Variants in SYT1 observed in about 807,000 individuals in gnomAD.
SYT1 encodes synaptotagmin-1.
SYT1 carries 8 observed loss-of-function variants against 44.8 expected under a neutral mutation model. The observed-to-expected ratio is 0.18, with a 90% CI of 0.10 to 0.32. The LOEUF (loss-of-function observed/expected upper bound fraction) is 0.32, where lower values mean the gene tolerates loss of function less well. Among genes scored for constraint, SYT1 ranks in the 10% least tolerant of loss-of-function variants. The pLI is 1.00. For missense variants in SYT1, 286 were observed against 509.3 expected (o/e 0.56, Z 4.22); for synonymous variants, 154 against 188.8 (o/e 0.82, Z 1.51).
chr12:79,276,856 A>G (rs1347723871), intron 4 of SYT1, among the ~76,000 whole-genome samples: 1 of 151,984 alleles, frequency 6.6e-6, no homozygotes, highest in South Asian at 2.1e-4. Context: ...AAAGAAATAA[A>G]GTCTCCAAGA....
At chr12:79,008,767 C>T (rs1054390072) in intron 2 of SYT1, among the ~76,000 whole-genome samples, 1 of 152,086 alleles carries the variant, frequency 6.6e-6, no homozygotes, top group South Asian at 2.1e-4. Flanking sequence ...CTTATTCCTG[C>T]TTTTTGCTAG....
intron 3 of SYT1, among the ~76,000 whole-genome samples, chr12:79,065,081 A>C (rs1875737264): frequency 6.6e-6 from 1 of 152,112 alleles, no homozygotes; most frequent in Non-Finnish European, 1.5e-5. Flanking sequence ...TCCAATTAGA[A>C]ACTTAAGGGA....
chr12:78,931,313 G>A (rs1462653573), intron 1 of SYT1, among the ~76,000 whole-genome samples: 7 of 19,294 alleles, frequency 3.6e-4, no homozygotes, highest in Admixed American at 4.3e-4. Context: ...GAAGGAGAGG[G>A]AGGGAGGGAG....
intron 3 of SYT1, among the ~76,000 whole-genome samples, chr12:79,054,114 T>C (rs1592705837): frequency 6.6e-6 from 1 of 152,046 alleles, no homozygotes; most frequent in East Asian, 1.9e-4. Flanking sequence ...AAATGTGGAT[T>C]GAAAGGTTTA....
At chr12:78,994,295 A>C (rs1358004685) in intron 2 of SYT1, among the ~76,000 whole-genome samples, 3 of 152,180 alleles carry the variant, frequency 2.0e-5, no homozygotes, top group Non-Finnish European at 4.4e-5. Flanking sequence ...ACGATAAATA[A>C]AACATTAGTT....
intron 3 of SYT1, among the ~76,000 whole-genome samples, chr12:79,054,542 T>G (rs985072149): frequency 6.6e-6 from 1 of 152,018 alleles, no homozygotes; most frequent in African/African-American, 2.4e-5. Flanking sequence ...ACTTAGATTT[T>G]TATACATGCT....
chr12:79,159,790 A>G (rs192972857), intron 3 of SYT1, among the ~76,000 whole-genome samples: 1 of 152,106 alleles, frequency 6.6e-6, no homozygotes, highest in African/African-American at 2.4e-5. Flanking sequence ...ATTTTAAGAA[A>G]TCCTAAGAAA....
chr12:78,921,248 G>A (rs981466813), intron 1 of SYT1, among the ~76,000 whole-genome samples: 2 of 151,674 alleles, frequency 1.3e-5, no homozygotes, highest in Non-Finnish European at 1.5e-5. Context: ...CAAATACAAC[G>A]GATTTTAAAT....
At chr12:79,245,685 G>A (rs1294152758) in intron 4 of SYT1, among the ~76,000 whole-genome samples, 1 of 151,984 alleles carries the variant, frequency 6.6e-6, no homozygotes, top group Non-Finnish European at 1.5e-5. Flanking sequence ...CAACTCAGGG[G>A]AAATCCCTTA....
At chr12:79,373,108 T>G (rs568050193) in intron 9 of SYT1, among the ~76,000 whole-genome samples, 2 of 152,264 alleles carry the variant, frequency 1.3e-5, no homozygotes, top group South Asian at 4.1e-4. Flanking sequence ...CAAAATTATA[T>G]CTCTTTTCAT....
chr12:78,949,549 G>A (rs1878853306), intron 1 of SYT1, among the ~76,000 whole-genome samples: 1 of 151,146 alleles, frequency 6.6e-6, no homozygotes, highest in Non-Finnish European at 1.5e-5. Flanking sequence ...AATTCACTTT[G>A]AAGTATCTAT....
At chr12:79,401,424 C>T (rs550429397) in intron 9 of SYT1, among the ~76,000 whole-genome samples, 4 of 152,102 alleles carry the variant, frequency 2.6e-5, no homozygotes, top group African/African-American at 7.2e-5. Flanking sequence ...CCATAATAAT[C>T]TCATAATGCT....
At chr12:79,170,707 G>C (rs1397972094) in intron 3 of SYT1, among the ~76,000 whole-genome samples, 1 of 152,036 alleles carries the variant, frequency 6.6e-6, no homozygotes, top group African/African-American at 2.4e-5. Flanking sequence ...AGTTTAATTA[G>C]GTCCTATTTG....
Position 79,179,459 on chromosome 12 carries a change from C to A in SYT1, c.-17-38044C>A, listed in dbSNP as rs974893132. Among the ~76,000 whole-genome samples the A allele has an allele frequency of 1.7e-3, 105 of 60,588 alleles. 2 individuals are homozygous for A. The highest frequency in any genetic ancestry group is 8.9e-3 in the African/African-American group (98 of 10,958). 39.7% of individuals were successfully genotyped at this position (60,588 alleles called of 152,430 possible). A position where few individuals can be genotyped will look rare whatever the true frequency, so the allele number is the denominator to read the frequency against. On this transcript the variant is annotated intron_variant, in intron 3 of 10. Transcript: ENST00000261205. ...ATATCCATATAGATATAGATATAAT[C>A]TATATAGATATAGATATAGAGATAT...
chr12:79,123,505 G>A (rs1324665095), intron 3 of SYT1, among the ~76,000 whole-genome samples: 1 of 152,144 alleles, frequency 6.6e-6, no homozygotes, highest in Admixed American at 6.5e-5. Flanking sequence ...GGCTCATAGG[G>A]ATTGAGTAAC....
intron 4 of SYT1, among the ~76,000 whole-genome samples, chr12:79,231,258 A>C (rs1875849316): frequency 6.6e-6 from 1 of 152,186 alleles, no homozygotes; most frequent in Admixed American, 6.5e-5. Flanking sequence ...AGAATACTGT[A>C]ATAAAGGGAT....
At chr12:79,088,738 CTGTGTGTGTGTGTGTGTG>C (rs571903732) in intron 3 of SYT1, among the ~76,000 whole-genome samples, 39 of 137,262 alleles carry the variant, frequency 2.8e-4, no homozygotes, top group Middle Eastern at 3.9e-3. Flanking sequence ...GGCTTTGGGC[CTGTGTGTGTGTGTGTGTG>C]TGTGTGTGTG....
At chr12:78,932,024 G>A (rs1472645622) in intron 1 of SYT1, among the ~76,000 whole-genome samples, 1 of 152,196 alleles carries the variant, frequency 6.6e-6, no homozygotes, top group Non-Finnish European at 1.5e-5. Context: ...TGGTGTATCA[G>A]TGCAGTCTGT....
At chr12:79,134,671 G>T (rs1184683678) in intron 3 of SYT1, among the ~76,000 whole-genome samples, 2 of 151,858 alleles carry the variant, frequency 1.3e-5, no homozygotes, top group Non-Finnish European at 2.9e-5. Flanking sequence ...TTATTTCTTG[G>T]TAAGTATAAA....
Sources: gnomAD v4.1 joint callset for allele counts (sites outside exome capture counted in the v4.1 genomes callset) on GRCh38, gnomAD v4.1.1 for gene constraint, MANE v1.5 for transcripts, NCBI Gene and HGNC (gene_info 2026-07-23, HGNC 2026-07-21) for gene names.